The following NELL1 variants were observed in gnomAD, a reference collection of about 807,000 sequenced individuals.
NELL1 encodes the protein neural EGFL like 1.
In NELL1, 76 loss-of-function variants were observed where a neutral mutation model predicts 107.4. The observed-to-expected ratio is 0.71, with a 90% CI of 0.59 to 0.86. The LOEUF (loss-of-function observed/expected upper bound fraction) is 0.86. Among genes scored for constraint, NELL1 ranks in the 40% least tolerant of loss-of-function variants. The probability of loss-of-function intolerance (pLI) is 0.00; values close to 1 mark genes in which losing one functional copy is unlikely to be tolerated. For missense variants in NELL1, 1,024 were observed against 1,005.5 expected (o/e 1.02, Z -0.25); for synonymous variants, 353 against 341.2 (o/e 1.03, Z -0.38).
At chr11:21,129,917 A>G (rs1366192767) in intron 13 of NELL1, among the ~76,000 whole-genome samples, 1 of 152,128 alleles carries the variant, frequency 6.6e-6, no homozygotes, top group Non-Finnish European at 1.5e-5. Flanking sequence ...CCATTATGTT[A>G]TGTTTATATT....
chr11:21,366,731 C>T (rs530741128), intron 14 of NELL1, among the ~76,000 whole-genome samples: 48 of 152,122 alleles, frequency 3.2e-4, no homozygotes, highest in African/African-American at 1.1e-3. Flanking sequence ...AATGCTGCCT[C>T]AAGGAAAATT....
At chr11:20,841,577 G>A (rs950508017) in intron 3 of NELL1, among the ~76,000 whole-genome samples, 1 of 152,096 alleles carries the variant, frequency 6.6e-6, no homozygotes, top group Non-Finnish European at 1.5e-5. Context: ...AGAATTCTAG[G>A]AATTTAGACC....
At chr11:21,209,332 T>A (rs1322009245) in intron 13 of NELL1, among the ~76,000 whole-genome samples, 1 of 7,568 alleles carries the variant, frequency 1.3e-4, no homozygotes, top group African/African-American at 1.5e-4. Context: ...ATGTATATAT[T>A]ATATATATAT....
At chr11:21,304,577 T>TC (rs1849567750) in intron 14 of NELL1, among the ~76,000 whole-genome samples, 2 of 146,176 alleles carry the variant, frequency 1.4e-5, no homozygotes, top group South Asian at 2.4e-4. Flanking sequence ...TGTTTTTTTT[T>TC]TTCTCTCTCT....
chr11:21,109,446 T>C (rs1855054004), intron 12 of NELL1, among the ~76,000 whole-genome samples: 1 of 152,112 alleles, frequency 6.6e-6, no homozygotes, highest in Non-Finnish European at 1.5e-5. Flanking sequence ...TATGTTCAAC[T>C]TCCACTCTGA....
chr11:21,313,457 G>A (rs77200725), intron 14 of NELL1, among the ~76,000 whole-genome samples: 2,843 of 152,218 alleles, frequency 0.019, 86 homozygotes, highest in African/African-American at 0.066. Context: ...CTTCTAGAGC[G>A]CCTGTTACAG....
intron 2 of NELL1, among the ~76,000 whole-genome samples, chr11:20,751,053 G>T (rs577646731): frequency 6.6e-6 from 1 of 152,182 alleles, no homozygotes; most frequent in Admixed American, 6.5e-5. Context: ...GTGTGTGTGT[G>T]TGTATATATG....
At chr11:21,339,851 A>T (rs1850521492) in intron 14 of NELL1, among the ~76,000 whole-genome samples, 1 of 152,148 alleles carries the variant, frequency 6.6e-6, no homozygotes, top group Non-Finnish European at 1.5e-5. Flanking sequence ...ACCTGACTAG[A>T]CCTATAGAGG....
intron 14 of NELL1, among the ~76,000 whole-genome samples, chr11:21,350,798 T>C (rs73454985): frequency 1.4e-3 from 219 of 152,246 alleles, no homozygotes; most frequent in African/African-American, 5.1e-3. Flanking sequence ...TAGGACAGTT[T>C]GATAAATGTT....
chr11:21,283,727 C>A, intron 14 of NELL1: 1 of 164,814 alleles, frequency 6.1e-6, no homozygotes, highest in Non-Finnish European at 1.3e-5. Flanking sequence ...TAGTTCAAAG[C>A]CAGAGAAAGA....
intron 15 of NELL1, among the ~76,000 whole-genome samples, chr11:21,482,930 T>G (rs1269281589): frequency 6.6e-6 from 1 of 152,098 alleles, no homozygotes; most frequent in Non-Finnish European, 1.5e-5. Flanking sequence ...GATGGATTTA[T>G]GGGGCCCATT....
chr11:21,007,238 G>A (rs1486304169), intron 12 of NELL1, among the ~76,000 whole-genome samples: 8 of 152,028 alleles, frequency 5.3e-5, no homozygotes, highest in African/African-American at 1.9e-4. Flanking sequence ...CAGTGTTGAG[G>A]GTAGGCATTT....
chr11:21,221,974 A>G (rs1327309410), intron 13 of NELL1, among the ~76,000 whole-genome samples: 1 of 152,014 alleles, frequency 6.6e-6, no homozygotes, highest in Non-Finnish European at 1.5e-5. Context: ...GATTACAGAC[A>G]TCAACCACTG....
At chr11:20,973,011 CT>C (rs1467619559) in intron 12 of NELL1, among the ~76,000 whole-genome samples, 1 of 151,452 alleles carries the variant, frequency 6.6e-6, no homozygotes, top group African/African-American at 2.4e-5. Flanking sequence ...AAATCAAACT[CT>C]AATGGCTGAC....
chr11:21,537,894 A>G (rs1195271185), intron 16 of NELL1, among the ~76,000 whole-genome samples: 4 of 152,162 alleles, frequency 2.6e-5, no homozygotes, highest in Admixed American at 2.0e-4. Flanking sequence ...AAAAATGTTT[A>G]TTGAGAACAA....
rs201587854 is a variant in NELL1 at position 20,688,365 on chromosome 11, A to G, written c.184+10305A>G. 9.2e-3 allele frequency among the ~76,000 whole-genome samples: 1,406 copies of G among 152,064 alleles called. 20 individuals are homozygous for G. Among genetic ancestry groups the G allele is most frequent in the Admixed American group, 0.036 (543 of 15,254 alleles). ...AAGGATAGTACCCAGTGGTTTTTCA[A>G]CCCTTACCCATCAATATCTTCCCCC... On this transcript the variant is annotated intron_variant, in intron 2 of 19. Coordinates refer to ENST00000357134, the MANE Select transcript of NELL1 (RefSeq NM_006157.5).
intron 15 of NELL1, among the ~76,000 whole-genome samples, chr11:21,516,507 T>C (rs4351815): frequency 0.13 from 20,516 of 152,068 alleles, 1,489 homozygotes; most frequent in Admixed American, 0.2. Flanking sequence ...CTTACACAAA[T>C]CTAGATGGTC....
At chr11:21,553,770 G>A (rs116945555) in intron 16 of NELL1, among the ~76,000 whole-genome samples, 1 of 151,802 alleles carries the variant, frequency 6.6e-6, no homozygotes, top group Admixed American at 6.6e-5. Context: ...ATGTGAATGG[G>A]TAAGGAAGAT....
chr11:20,783,782 A>T lies in NELL1; in HGVS notation c.287A>T (p.Lys96Met). 6.2e-7 allele frequency: 1 copy of T among 1,613,968 alleles called. No individual in the cohort carries two copies. Among genetic ancestry groups the T allele is most frequent in the Non-Finnish European group, 8.5e-7 (1 of 1,179,848 alleles). Residue 96 changes from lysine to methionine, a missense_variant, in exon 3 of 20, where the codon AAG (lysine) becomes ATG (methionine). Physicochemically the swap from Lys to Met is moderately conservative, Grantham distance 95. Coordinates refer to ENST00000357134, the MANE Select transcript of NELL1 (RefSeq NM_006157.5). ...ACCATTTTGGCCACTGTACAGCAGA[A>T]GCCATCCACTTCAGGAGTGATACTG... is the stretch of plus-strand genomic sequence containing the variant. ...EFTILATVQQ[K>M]PSTSGVILSI...
Sources: gnomAD v4.1 joint callset for allele counts (sites outside exome capture counted in the v4.1 genomes callset) on GRCh38, gnomAD v4.1.1 for gene constraint, MANE v1.5 for transcripts, NCBI Gene and HGNC (gene_info 2026-07-23, HGNC 2026-07-21) for gene names.